CHCHD6: variants seen among roughly 807,000 people sequenced by gnomAD.
CHCHD6 encodes the protein coiled-coil-helix-coiled-coil-helix domain containing 6, also known as MICOS complex subunit MIC25.
A neutral mutation model predicts 32.3 loss-of-function variants in CHCHD6; 28 were observed. That is an observed-to-expected ratio of 0.87 (90% CI 0.64 to 1.19). CHCHD6 has a LOEUF of 1.19. CHCHD6 is among the 50% of genes most tolerant of loss of function. The pLI is 0.00. For synonymous variants in CHCHD6, 122 were observed against 117.5 expected, an observed-to-expected ratio of 1.04 and a Z score of -0.25; for missense variants, 333 against 307.0, an observed-to-expected ratio of 1.08 and a Z score of -0.63.
At chr3:126,771,116 G>T (rs1214011826) in intron 4 of CHCHD6, among the ~76,000 whole-genome samples, 1 of 151,980 alleles carries the variant, frequency 6.6e-6, no homozygotes, top group Non-Finnish European at 1.5e-5. Context: ...TCTTTGCATA[G>T]AGTTGTTCGT....
chr3:126,888,629 A>T (rs1386401226), intron 5 of CHCHD6, among the ~76,000 whole-genome samples: 1 of 152,180 alleles, frequency 6.6e-6, no homozygotes, highest in Non-Finnish European at 1.5e-5. Flanking sequence ...CAGAAGAGCC[A>T]TCTGGGGCCC....
intron 5 of CHCHD6, among the ~76,000 whole-genome samples, chr3:126,863,331 C>T (rs1942034794): frequency 1.4e-5 from 2 of 143,200 alleles, no homozygotes; most frequent in East Asian, 2.2e-4. Context: ...CCTCCTCCTC[C>T]TCCTCCATCA....
chr3:126,730,885 G>C (rs1377952696), intron 3 of CHCHD6, among the ~76,000 whole-genome samples: 1 of 152,034 alleles, frequency 6.6e-6, no homozygotes, highest in Non-Finnish European at 1.5e-5. Context: ...AAGGCAGGAG[G>C]GTTGCTTGAG....
At chr3:126,940,874 T>C (rs1184177355) in intron 6 of CHCHD6, among the ~76,000 whole-genome samples, 1 of 152,234 alleles carries the variant, frequency 6.6e-6, no homozygotes, top group African/African-American at 2.4e-5. Flanking sequence ...AGTTGTTTAC[T>C]TACAGCCTTT....
chr3:126,708,953 A>G (rs1261731288), intron 1 of CHCHD6, among the ~76,000 whole-genome samples: 3 of 151,952 alleles, frequency 2.0e-5, no homozygotes, highest in Non-Finnish European at 4.4e-5. Flanking sequence ...TGGTTCCAGG[A>G]CCCCCATGGA....
intron 1 of CHCHD6, among the ~76,000 whole-genome samples, chr3:126,715,135 A>G (rs148993837): frequency 3.3e-5 from 5 of 152,192 alleles, no homozygotes; most frequent in South Asian, 2.1e-4. Context: ...GGGAACTGCA[A>G]ATCATTCTAT....
At chr3:126,937,239 G>A (rs575777452) in intron 6 of CHCHD6, among the ~76,000 whole-genome samples, 4 of 152,332 alleles carry the variant, frequency 2.6e-5, no homozygotes, top group East Asian at 3.9e-4. Context: ...CACGCCATAC[G>A]GCCATTCATT....
chr3:126,948,618 C>T (rs1426422522), intron 6 of CHCHD6, among the ~76,000 whole-genome samples: 1 of 152,180 alleles, frequency 6.6e-6, no homozygotes, highest in Non-Finnish European at 1.5e-5. Context: ...TTGAGGGGAT[C>T]ATCAAACCCA....
At chr3:126,930,682 G>A (rs553356641) in intron 6 of CHCHD6, among the ~76,000 whole-genome samples, 12 of 152,346 alleles carry the variant, frequency 7.9e-5, no homozygotes, top group African/African-American at 2.9e-4. Context: ...TTTCTCTTCT[G>A]TAAAAGGGGT....
chr3:126,790,295 T>C (rs935792245), intron 4 of CHCHD6, among the ~76,000 whole-genome samples: 1 of 152,164 alleles, frequency 6.6e-6, no homozygotes, highest in East Asian at 1.9e-4. Context: ...CTGACAGTTA[T>C]GTGTCTTGGA....
At chr3:126,857,089 A>G (rs1323736941) in intron 5 of CHCHD6, among the ~76,000 whole-genome samples, 4 of 151,918 alleles carry the variant, frequency 2.6e-5, no homozygotes, top group Non-Finnish European at 5.9e-5. Flanking sequence ...CTCCACATCA[A>G]TTTAAGTCTG....
intron 6 of CHCHD6, among the ~76,000 whole-genome samples, chr3:126,930,422 T>C (rs1304290762): frequency 6.6e-6 from 1 of 152,256 alleles, no homozygotes; most frequent in Non-Finnish European, 1.5e-5. Flanking sequence ...TTGGTATTCC[T>C]GGGCACAGTT....
intron 5 of CHCHD6, among the ~76,000 whole-genome samples, chr3:126,914,225 G>T (rs559300292): frequency 6.6e-6 from 1 of 152,284 alleles, no homozygotes; most frequent in East Asian, 1.9e-4. Flanking sequence ...ATAAAATAGG[G>T]GTTGGACCAG....
intron 1 of CHCHD6, among the ~76,000 whole-genome samples, chr3:126,711,938 T>G (rs552475597): frequency 2.6e-5 from 4 of 152,376 alleles, no homozygotes; most frequent in Admixed American, 2.6e-4. Context: ...TCACATGTGT[T>G]ATTCTGTTTG....
chr3:126,882,606 A>G (rs2077625967), intron 5 of CHCHD6, among the ~76,000 whole-genome samples: 1 of 152,236 alleles, frequency 6.6e-6, no homozygotes, highest in Non-Finnish European at 1.5e-5. Context: ...TATTAGGCAC[A>G]TATCAGAAAT....
chr3:126,735,932 C>T (rs1416157527), intron 4 of CHCHD6, among the ~76,000 whole-genome samples: 1 of 152,100 alleles, frequency 6.6e-6, no homozygotes, highest in Non-Finnish European at 1.5e-5. Flanking sequence ...AGGTGTACAA[C>T]CATATTCAAT....
At chr3:126,766,858 T>A in intron 4 of CHCHD6, 1 of 958,292 alleles carries the variant, frequency 1.0e-6, no homozygotes. Context: ...TCCAGGGAAG[T>A]CAAACAGCTT....
At chr3:126,816,600 G>A (rs1939914911) in intron 4 of CHCHD6, among the ~76,000 whole-genome samples, 1 of 152,210 alleles carries the variant, frequency 6.6e-6, no homozygotes, top group Admixed American at 6.5e-5. Context: ...ACGAGGGACA[G>A]AGAAGGTTCC....
chr3:126,865,187 T>C (rs375323316), intron 5 of CHCHD6, among the ~76,000 whole-genome samples: 3,975 of 39,528 alleles, frequency 0.1, 3 homozygotes, highest in East Asian at 0.14. Flanking sequence ...CCTCCTCCAC[T>C]ACCACCTCCA....
Sources: allele counts gnomAD v4.1 joint callset (sites outside exome capture counted in the v4.1 genomes callset), GRCh38; gene constraint gnomAD v4.1.1; transcripts MANE v1.5; gene names NCBI Gene and HGNC (gene_info 2026-07-23, HGNC 2026-07-21).